NAV2: variants seen among roughly 807,000 people sequenced by gnomAD.
NAV2 encodes neuron navigator 2.
In NAV2, 54 loss-of-function variants were observed where a neutral mutation model predicts 223.2. The ratio of observed to expected loss-of-function variants is 0.24; its 90% CI spans 0.19 to 0.30. The LOEUF (loss-of-function observed/expected upper bound fraction) is 0.30. NAV2 is among the 10% of genes least tolerant of loss of function. NAV2 has a pLI of 1.00. For synonymous variants in NAV2, 1,279 were observed against 1,239.3 expected, an observed-to-expected ratio of 1.03 and a Z score of -0.67; for missense variants, 2,806 against 3,147.5, an observed-to-expected ratio of 0.89 and a Z score of 2.60.
chr11:19,547,812 A>T (rs958203538), intron 1 of NAV2, among the ~76,000 whole-genome samples: 1 of 152,212 alleles, frequency 6.6e-6, no homozygotes, highest in Non-Finnish European at 1.5e-5. Context: ...CTGAGAACTC[A>T]CTTTTACTAT....
At chr11:19,632,210 G>T (rs184445447) in intron 1 of NAV2, among the ~76,000 whole-genome samples, 26 of 152,294 alleles carry the variant, frequency 1.7e-4, no homozygotes, top group Admixed American at 1.7e-3. Flanking sequence ...TTATAGGGAC[G>T]GTTTGGTGCG....
At chr11:19,813,160 G>A (rs897461370) in intron 1 of NAV2, among the ~76,000 whole-genome samples, 7 of 152,142 alleles carry the variant, frequency 4.6e-5, no homozygotes, top group African/African-American at 1.7e-4. Context: ...AGAAATGTAA[G>A]GGCAGGCACT....
intron 1 of NAV2, among the ~76,000 whole-genome samples, chr11:19,626,877 C>T (rs1326637118): frequency 1.3e-5 from 2 of 152,184 alleles, no homozygotes; most frequent in East Asian, 1.9e-4. Context: ...TTAAGCTTCT[C>T]TGACTCTGTT....
chr11:20,075,109 T>C (rs2059641170), intron 22 of NAV2, among the ~76,000 whole-genome samples: 5 of 152,208 alleles, frequency 3.3e-5, no homozygotes. Flanking sequence ...ACTATGTGAC[T>C]GTCATAAATT....
At chr11:19,964,809 CTTTTTT>C (rs71050695) in intron 10 of NAV2, among the ~76,000 whole-genome samples, 636 of 57,522 alleles carry the variant, frequency 0.011, 9 homozygotes, top group African/African-American at 0.045. Flanking sequence ...CCTCATTCTA[CTTTTTT>C]TTTTTTTTTT....
intron 17 of NAV2, 60 bp from the exon 18 acceptor site, chr11:20,054,020 A>C (rs981546740): frequency 6.5e-7 from 1 of 1,533,526 alleles, no homozygotes; most frequent in Non-Finnish European, 8.9e-7. Context: ...TCAGCTCCAC[A>C]GAGTTCATTT....
Position 20,080,164 on chromosome 11 carries a change from C to A in NAV2, c.5280C>A (p.Gly1760=). ...INSATSHSSV[G]SNIESDSKKK... ...GTGCCACCAGCCACTCCAGCGTGGGCAGCAACATAGAGAGTGACTCAAAGA... is the reference window on the plus strand; with the variant it reads ...GTGCCACCAGCCACTCCAGCGTGGGAAGCAACATAGAGAGTGACTCAAAGA... The change falls in exon 25 of 38, where the codon GGC becomes GGA. Residue 1760 remains glycine, a synonymous_variant. Coordinates refer to ENST00000349880, the MANE Select transcript of NAV2 (RefSeq NM_145117.5). 1 of 1,613,968 alleles carries A rather than the reference C, an allele frequency of 6.2e-7. No homozygotes were observed. Among genetic ancestry groups the A allele is most frequent in the Non-Finnish European group, 8.5e-7 (1 of 1,179,916 alleles).
At chr11:19,862,157 T>C (rs1430188346) in intron 3 of NAV2, among the ~76,000 whole-genome samples, 3 of 152,254 alleles carry the variant, frequency 2.0e-5, no homozygotes, top group Non-Finnish European at 4.4e-5. Context: ...TTTTTTTTTG[T>C]ATCCATATGG....
chr11:20,097,791 G>A (rs934147732), intron 31 of NAV2, 46 bp downstream of exon 31: 8 of 1,507,638 alleles, frequency 5.3e-6, no homozygotes, highest in Non-Finnish European at 7.1e-6. Context: ...GAATTGCAGT[G>A]TTTGTTTTGT....
intron 7 of NAV2, among the ~76,000 whole-genome samples, chr11:19,935,917 G>T (rs1368549702): frequency 7.3e-6 from 1 of 136,966 alleles, no homozygotes; most frequent in African/African-American, 2.8e-5. Flanking sequence ...GAGTGCAGTG[G>T]CACCATCTCA....
intron 3 of NAV2, among the ~76,000 whole-genome samples, chr11:19,864,817 G>T (rs2014079): frequency 2.6e-5 from 4 of 151,986 alleles, no homozygotes; most frequent in African/African-American, 9.7e-5. Flanking sequence ...CTGGGGAGGT[G>T]CATCCTGGTC....
intron 1 of NAV2, among the ~76,000 whole-genome samples, chr11:19,805,686 T>A (rs1356913966): frequency 1.3e-5 from 2 of 152,234 alleles, no homozygotes; most frequent in African/African-American, 4.8e-5. Context: ...TTCCATTTAT[T>A]TGAAATATCT....
chr11:19,785,529 A>G lies in NAV2; in HGVS notation c.268-46955A>G, dbSNP rs188496989. Among the ~76,000 whole-genome samples the G allele has an allele frequency of 2.0e-4, 30 of 152,316 alleles. 1 individual carries two copies. The East Asian group carries it at 2.1e-3, about 11-fold the overall frequency. ...AACTAAAGTATATTATTTTATCAGTATTGAATGCCTCCTAGACTTGAGATA... is the reference window on the plus strand; with the variant it reads ...AACTAAAGTATATTATTTTATCAGTGTTGAATGCCTCCTAGACTTGAGATA... On this transcript the variant is annotated intron_variant, in intron 1 of 37. Coordinates refer to ENST00000349880, the MANE Select transcript of NAV2 (RefSeq NM_145117.5).
chr11:19,685,366 T>C (rs963713317), intron 1 of NAV2, among the ~76,000 whole-genome samples: 79 of 151,418 alleles, frequency 5.2e-4, no homozygotes, highest in African/African-American at 1.9e-3. Context: ...GCAGTAGGGG[T>C]GGGGAAAGCA....
At chr11:19,440,205 G>T (rs1267849887) in intron 1 of NAV2, among the ~76,000 whole-genome samples, 5 of 152,158 alleles carry the variant, frequency 3.3e-5, no homozygotes, top group African/African-American at 1.2e-4. Flanking sequence ...GTCTAGTGGG[G>T]AGGACAGACA....
intron 1 of NAV2, among the ~76,000 whole-genome samples, chr11:19,699,078 C>T (rs984707400): frequency 7.2e-5 from 11 of 152,128 alleles, no homozygotes; most frequent in African/African-American, 2.7e-4. Context: ...ACTCTGTGGC[C>T]CACAGTGAAT....
At chr11:19,924,518 A>G (rs906755608) in intron 6 of NAV2, among the ~76,000 whole-genome samples, 4 of 152,172 alleles carry the variant, frequency 2.6e-5, no homozygotes, top group African/African-American at 9.7e-5. Flanking sequence ...AAACTGGGAA[A>G]TGTGTGGTTC....
intron 6 of NAV2, among the ~76,000 whole-genome samples, chr11:19,925,940 C>G (rs2044708371): frequency 6.6e-6 from 1 of 152,118 alleles, no homozygotes; most frequent in African/African-American, 2.4e-5. Flanking sequence ...GTCTATATGT[C>G]TGTCTTTATG....
intron 1 of NAV2, among the ~76,000 whole-genome samples, chr11:19,705,098 A>AATAC (rs1764687335): frequency 6.7e-6 from 1 of 149,016 alleles, no homozygotes. Context: ...GAAATAAATA[A>AATAC]ATAAATAAAT....
Sources: gnomAD v4.1 joint callset for allele counts (sites outside exome capture counted in the v4.1 genomes callset) on GRCh38, gnomAD v4.1.1 for gene constraint, MANE v1.5 for transcripts, NCBI Gene and HGNC (gene_info 2026-07-23, HGNC 2026-07-21) for gene names.